The following RWDD4 variants were observed in gnomAD, a reference collection of about 807,000 sequenced individuals.
The protein encoded by RWDD4 is RWD domain containing 4, also known as RWD domain-containing protein 4.
In RWDD4, 16 loss-of-function variants were observed where a neutral mutation model predicts 30.0. The observed-to-expected ratio is 0.53, with a 90% CI of 0.36 to 0.81. The LOEUF is 0.81. Among genes scored for constraint, RWDD4 ranks in the 30% least tolerant of loss-of-function variants. RWDD4 has a pLI of 0.00. For missense variants in RWDD4, 170 were observed against 223.9 expected (o/e 0.76, Z 1.54); for synonymous variants, 45 against 72.1 (o/e 0.62, Z 1.90).
At chr4:183,654,415 C>T (rs9790676) in intron 2 of RWDD4, among the ~76,000 whole-genome samples, 66,243 of 151,904 alleles carry the variant, frequency 0.44, 14,930 homozygotes, top group Middle Eastern at 0.52. Context: ...CAGACTATTC[C>T]GTGCAAGAAC....
intron 1 of RWDD4, 142 bp downstream of exon 1, chr4:183,658,787 G>C: frequency 1.6e-6 from 1 of 643,086 alleles, no homozygotes; most frequent in Non-Finnish European, 2.2e-6. Context: ...TGGGTGGGAC[G>C]CCGGTGAACT....
chr4:183,658,427 T>C (rs1000099024), intron 1 of RWDD4, among the ~76,000 whole-genome samples: 1 of 152,180 alleles, frequency 6.6e-6, no homozygotes, highest in African/African-American at 2.4e-5. Flanking sequence ...AGGTGGTACA[T>C]GAATGCTCAA....
chr4:183,652,764 A>C (rs888663022), intron 2 of RWDD4, among the ~76,000 whole-genome samples: 4 of 150,166 alleles, frequency 2.7e-5, no homozygotes, highest in Non-Finnish European at 5.9e-5. Context: ...GAGCCGAGAT[A>C]GTGCCACTGC....
chr4:183,651,599 G>T (rs1734078027), intron 2 of RWDD4, among the ~76,000 whole-genome samples: 1 of 152,070 alleles, frequency 6.6e-6, no homozygotes, highest in East Asian at 1.9e-4. Context: ...CTAGTACCAC[G>T]CCTACATCTT....
In RWDD4 at chr4:183,651,243, T is replaced by C. The variant is rs748666576; in HGVS notation, c.190A>G (p.Met64Val). The stretch of plus-strand genomic sequence containing the variant: ...ATGGTGTTGTTAAAAAAAGCGTTCA[T>C]AGATAGAATTGGAGGTGTTTGGGGA... ...TYPQTPPILS[M>V]NAFFNNTISS... The change falls in exon 3 of 8, where the codon ATG becomes GTG. Residue 64 changes from methionine to valine, a missense_variant. Met to Val is a conservative substitution (Grantham distance 21). Coordinates refer to ENST00000326397, the MANE Select transcript of RWDD4 (RefSeq NM_152682.4). The C allele has an allele frequency of 1.9e-6, 3 of 1,613,560 alleles. No individual in the cohort carries two copies. The highest frequency in any genetic ancestry group is 2.5e-6 in the Non-Finnish European group (3 of 1,179,888).
chr4:183,655,686 T>C (rs1480682786), intron 2 of RWDD4, among the ~76,000 whole-genome samples, 195 bp downstream of exon 2: 1 of 152,248 alleles, frequency 6.6e-6, no homozygotes, highest in African/African-American at 2.4e-5. Flanking sequence ...AAGTTTATCT[T>C]GGTTTTTTAA....
chr4:183,655,521 T>C (rs1038731008), intron 2 of RWDD4, among the ~76,000 whole-genome samples: 3 of 152,174 alleles, frequency 2.0e-5, no homozygotes, highest in African/African-American at 7.2e-5. Flanking sequence ...CCTGACCTCG[T>C]GATCCGCCCA....
chr4:183,641,383 A>G lies in RWDD4; in HGVS notation c.*53T>C. ...CAGAAAATAGTAATGAAAGATTTTG[A>G]ACCCAGTTTTACTCTTTAAAGAATG... On this transcript the variant is annotated 3_prime_UTR_variant, in exon 8 of 8. Transcript: ENST00000326397. The G allele has an allele frequency of 7.1e-7, 1 of 1,403,872 alleles. No individual in the cohort carries two copies. Among genetic ancestry groups the G allele is most frequent in the Non-Finnish European group, 1.0e-6 (1 of 1,003,444 alleles). 87.0% of individuals were successfully genotyped at this position (1,403,872 alleles called of 1,614,324 possible).
At chr4:183,654,153 G>T (rs1262794986) in intron 2 of RWDD4, among the ~76,000 whole-genome samples, 2 of 152,168 alleles carry the variant, frequency 1.3e-5, no homozygotes, top group Non-Finnish European at 2.9e-5. Flanking sequence ...AACCCATTAT[G>T]TCTAAGGCAT....
At chr4:183,642,762 A>G (rs543871989) in intron 7 of RWDD4, among the ~76,000 whole-genome samples, 4 of 152,250 alleles carry the variant, frequency 2.6e-5, no homozygotes, top group Non-Finnish European at 4.4e-5. Context: ...GAGAAGTTTC[A>G]TAAGAAAATG....
At chr4:183,652,158 C>T (rs535518993) in intron 2 of RWDD4, among the ~76,000 whole-genome samples, 5 of 152,106 alleles carry the variant, frequency 3.3e-5, no homozygotes, top group Non-Finnish European at 7.4e-5. Flanking sequence ...CATTATTACA[C>T]CCAAGAAATT....
At chr4:183,653,955 C>T (rs899372090) in intron 2 of RWDD4, among the ~76,000 whole-genome samples, 11 of 152,164 alleles carry the variant, frequency 7.2e-5, no homozygotes, top group Middle Eastern at 6.8e-3. Context: ...AAATGGGGAA[C>T]GGCTAATTCT....
At chr4:183,651,194 C>A in intron 3 of RWDD4, 24 bp downstream of exon 3, 1 of 1,612,844 alleles carries the variant, frequency 6.2e-7, no homozygotes, top group South Asian at 1.1e-5. Flanking sequence ...AAATGAAAAG[C>A]AGTAAAAACA....
At chr4:183,646,929 C>A (rs1733976022) in intron 5 of RWDD4, among the ~76,000 whole-genome samples, 1 of 152,140 alleles carries the variant, frequency 6.6e-6, no homozygotes, top group African/African-American at 2.4e-5. Context: ...AATAAATTAG[C>A]ATTTCGCACC....
intron 7 of RWDD4, among the ~76,000 whole-genome samples, chr4:183,643,345 G>A (rs1472638272): frequency 7.3e-6 from 1 of 136,756 alleles, no homozygotes; most frequent in Non-Finnish European, 1.5e-5. Flanking sequence ...GAACCTGGGA[G>A]GCAGAGGTTG....
chr4:183,656,125 T>C (rs930146889), intron 1 of RWDD4, 164 bp from the exon 2 acceptor site: 62 of 549,072 alleles, frequency 1.1e-4, no homozygotes, highest in African/African-American at 1.1e-3. Flanking sequence ...CATGACAATA[T>C]TACTACCAAT....
chr4:183,648,291 T>C (rs1172580667), intron 5 of RWDD4, among the ~76,000 whole-genome samples: 1 of 151,172 alleles, frequency 6.6e-6, no homozygotes, highest in Non-Finnish European at 1.5e-5. Context: ...AAGGGTCGGT[T>C]CTTCTCAATA....
At chr4:183,652,784 T>TG (rs1409400320) in intron 2 of RWDD4, among the ~76,000 whole-genome samples, 1 of 142,624 alleles carries the variant, frequency 7.0e-6, no homozygotes, top group African/African-American at 2.8e-5. Flanking sequence ...CACTACAGCC[T>TG]GGCAACAGAG....
chr4:183,644,925 C>A (rs1733939452), intron 7 of RWDD4, among the ~76,000 whole-genome samples: 1 of 151,924 alleles, frequency 6.6e-6, no homozygotes, highest in South Asian at 2.1e-4. Context: ...CAAAGTGAGA[C>A]CCTGTCTCTA....
Sources: gnomAD v4.1 joint callset for allele counts (sites outside exome capture counted in the v4.1 genomes callset) on GRCh38, gnomAD v4.1.1 for gene constraint, MANE v1.5 for transcripts, NCBI Gene and HGNC (gene_info 2026-07-23, HGNC 2026-07-21) for gene names.